KDM4C: variants seen among roughly 807,000 people sequenced by gnomAD.
KDM4C encodes lysine demethylase 4C.
In KDM4C, 81 loss-of-function variants were observed where a neutral mutation model predicts 129.3. The ratio of observed to expected loss-of-function variants is 0.63; its 90% CI spans 0.52 to 0.75. The LOEUF (loss-of-function observed/expected upper bound fraction) is 0.75, where lower values mean the gene tolerates loss of function less well. Ranked by LOEUF, KDM4C falls within the 30% of genes least tolerant of loss-of-function variation. The probability of loss-of-function intolerance (pLI) is 0.00; values close to 1 mark genes in which losing one functional copy is unlikely to be tolerated. For synonymous variants in KDM4C, 573 were observed against 456.1 expected (o/e 1.26, Z -3.26); for missense variants, 1,457 against 1,304.0 (o/e 1.12, Z -1.81).
intron 4 of KDM4C, chr9:6,835,435 A>T: frequency 8.5e-7 from 1 of 1,178,284 alleles, no homozygotes; most frequent in Non-Finnish European, 1.3e-6. Context: ...GAAGATCAAG[A>T]TCATTGCTCC....
At chr9:7,052,906 C>A (rs372716018) in intron 17 of KDM4C, among the ~76,000 whole-genome samples, 14,907 of 46,870 alleles carry the variant, frequency 0.32, 2,308 homozygotes, top group South Asian at 0.49. Context: ...AGAGAGCGAG[C>A]GAGTGCCCAA....
At chr9:6,791,805 C>G (rs1009090049) in intron 1 of KDM4C, among the ~76,000 whole-genome samples, 2 of 152,162 alleles carry the variant, frequency 1.3e-5, no homozygotes, top group Middle Eastern at 3.4e-3. Context: ...GGTGGATCAC[C>G]TGAGGTCGGG....
intron 18 of KDM4C, among the ~76,000 whole-genome samples, chr9:7,122,723 T>C (rs1434092437): frequency 6.6e-6 from 1 of 152,138 alleles, no homozygotes; most frequent in Non-Finnish European, 1.5e-5. Context: ...TTTGGCCATG[T>C]CCCCAGCATC....
intron 2 of KDM4C, among the ~76,000 whole-genome samples, chr9:6,801,549 T>C (rs556018943): frequency 2.0e-5 from 3 of 150,702 alleles, no homozygotes; most frequent in Non-Finnish European, 4.4e-5. Context: ...ACCTTGTCTC[T>C]TAAAAAAAAA....
At chr9:7,147,057 C>G (rs768765872) in intron 19 of KDM4C, among the ~76,000 whole-genome samples, 2 of 152,196 alleles carry the variant, frequency 1.3e-5, no homozygotes, top group Non-Finnish European at 2.9e-5. Context: ...TTGGGTTTTG[C>G]TTTTCTGTTC....
chr9:7,167,420 A>C (rs1320031995), intron 20 of KDM4C, among the ~76,000 whole-genome samples: 1 of 152,192 alleles, frequency 6.6e-6, no homozygotes, highest in Non-Finnish European at 1.5e-5. Flanking sequence ...CGATGTTTTA[A>C]GTGGTCTAAA....
chr9:6,782,553 A>G (rs1824589544), intron 1 of KDM4C, among the ~76,000 whole-genome samples: 1 of 152,086 alleles, frequency 6.6e-6, no homozygotes, highest in Admixed American at 6.6e-5. Flanking sequence ...GGTATTCGTA[A>G]CGGCGTACAC....
rs555847747 is a variant in KDM4C at position 6,834,722 on chromosome 9, T to G, written c.436-14785T>G. ...CATGGAGAAGATCTGGCACCACACC[T>G]TCTAAAGGGAGCTGCATGTGGTTCC... is the stretch of plus-strand genomic sequence containing the variant. On this transcript the variant is annotated intron_variant, in intron 4 of 21. Coordinates refer to ENST00000381309, the MANE Select transcript of KDM4C (RefSeq NM_015061.6). 5 of 931,074 alleles carry G rather than the reference T, an allele frequency of 5.4e-6. No homozygotes were observed. In the Admixed American group the frequency reaches 8.5e-5, roughly 16 times the overall value. 57.7% of individuals were successfully genotyped at this position (931,074 alleles called of 1,614,324 possible).
intron 2 of KDM4C, among the ~76,000 whole-genome samples, chr9:6,805,010 C>T (rs1225898674): frequency 6.6e-6 from 1 of 151,990 alleles, no homozygotes; most frequent in Admixed American, 6.5e-5. Context: ...AAGCGATTCT[C>T]CTGCCTCAGC....
intron 5 of KDM4C, among the ~76,000 whole-genome samples, chr9:6,877,615 A>C (rs192990710): frequency 8.5e-5 from 13 of 152,348 alleles, no homozygotes; most frequent in African/African-American, 3.1e-4. Flanking sequence ...TTAAAAGAAT[A>C]GTAGTATCTT....
At chr9:6,807,078 C>T (rs995049370) in intron 3 of KDM4C, among the ~76,000 whole-genome samples, 1 of 151,954 alleles carries the variant, frequency 6.6e-6, no homozygotes, top group Non-Finnish European at 1.5e-5. Context: ...TTGGTGGAGA[C>T]GGGGTTTCGC....
chr9:6,911,392 C>G lies in KDM4C; in HGVS notation c.921+18160C>G, dbSNP rs1819279085. ...AACAGGAGTATAAATATCAATAATT[C>G]TTCAGTGTGCGTAATTGCATCTGAT... On this transcript the variant is annotated intron_variant, in intron 8 of 21. Coordinates refer to ENST00000381309, the MANE Select transcript of KDM4C (RefSeq NM_015061.6). Among the ~76,000 whole-genome samples, 5 of 152,262 alleles carry G rather than the reference C, an allele frequency of 3.3e-5. No individual in the cohort carries two copies. The South Asian group carries it at 1.0e-3, about 32-fold the overall frequency.
In KDM4C at chr9:6,986,580, G is replaced by A. The variant is rs1817751791; in HGVS notation, c.1591G>A (p.Asp531Asn). 1 of 1,614,004 alleles carries A rather than the reference G, an allele frequency of 6.2e-7. No individual in the cohort carries two copies. The highest frequency in any genetic ancestry group is 8.5e-7 in the Non-Finnish European group (1 of 1,180,008). Residue 531 changes from aspartate (D) to asparagine (N), a missense_variant, in exon 11 of 22, where the codon GAT becomes AAT. Physicochemically the swap from Asp to Asn is conservative, Grantham distance 23. Transcript: ENST00000381309. ...NGVLTEGEES[D>N]VESHGNGLEP... is the part of the protein sequence containing the mutation. ...TGTGTTAACAGAGGGAGAAGAGAGT[G>A]ATGTGGAGAGCCATGGGAATGGCCT...
At chr9:6,853,430 C>G (rs59031821) in intron 5 of KDM4C, among the ~76,000 whole-genome samples, 6,426 of 152,198 alleles carry the variant, frequency 0.042, 185 homozygotes, top group South Asian at 0.14. Flanking sequence ...GAGGTCAAGG[C>G]TGCAGTGATC....
chr9:6,721,197 C>T (rs1365502621), intron 1 of KDM4C: 2 of 394,548 alleles, frequency 5.1e-6, no homozygotes, highest in South Asian at 9.9e-5. Flanking sequence ...CCCCAGTCTT[C>T]CCAGTAGCTG....
intron 1 of KDM4C, among the ~76,000 whole-genome samples, chr9:6,770,621 C>T (rs953228069): frequency 6.7e-6 from 1 of 150,110 alleles, no homozygotes; most frequent in African/African-American, 2.4e-5. Context: ...TGCAAATTGC[C>T]ATAATTCTCT....
intron 15 of KDM4C, among the ~76,000 whole-genome samples, chr9:7,028,197 T>G (rs950499621): frequency 1.3e-5 from 2 of 152,060 alleles, no homozygotes; most frequent in African/African-American, 4.8e-5. Context: ...ATGTGCTGAC[T>G]TGCAACTAAA....
At chr9:7,015,498 ATTAAT>A (rs1823496493) in intron 14 of KDM4C, among the ~76,000 whole-genome samples, 1 of 152,158 alleles carries the variant, frequency 6.6e-6, no homozygotes. Context: ...TTTAAATTAT[ATTAAT>A]TTAAAAATAT....
intron 8 of KDM4C, among the ~76,000 whole-genome samples, chr9:6,920,549 C>G (rs1207038429): frequency 7.5e-5 from 9 of 120,124 alleles, no homozygotes; most frequent in African/African-American, 3.8e-4. Flanking sequence ...AGCAACAGAA[C>G]AAGAAAAAAA....
Sources: gnomAD v4.1 joint callset for allele counts (sites outside exome capture counted in the v4.1 genomes callset) on GRCh38, gnomAD v4.1.1 for gene constraint, MANE v1.5 for transcripts, NCBI Gene and HGNC (gene_info 2026-07-23, HGNC 2026-07-21) for gene names.